MINAR1: variants seen among roughly 807,000 people sequenced by gnomAD.
MINAR1 encodes major intrinsically disordered Notch2-binding receptor 1.
Under a neutral mutation model 65.1 loss-of-function variants are expected in MINAR1, and 40 were observed. The observed-to-expected ratio is 0.61, with a 90% CI of 0.48 to 0.80. MINAR1 has a LOEUF of 0.80. Among genes scored for constraint, MINAR1 ranks in the 30% least tolerant of loss-of-function variants. The pLI is 0.00. For synonymous variants in MINAR1, 482 were observed against 449.1 expected (o/e 1.07, Z -0.93); for missense variants, 1,128 against 1,148.0 (o/e 0.98, Z 0.25).
At chr15:79,449,073 C>G (rs1313107968) in intron 1 of MINAR1, among the ~76,000 whole-genome samples, 1 of 152,188 alleles carries the variant, frequency 6.6e-6, no homozygotes, top group East Asian at 1.9e-4. Flanking sequence ...AATCAGGCAT[C>G]TGGTTCTGGC....
intron 2 of MINAR1, among the ~76,000 whole-genome samples, 185 bp from the exon 3 acceptor site, chr15:79,462,882 T>G (rs1895697842): frequency 6.6e-6 from 1 of 152,236 alleles, no homozygotes; most frequent in African/African-American, 2.4e-5. Context: ...AGTAACATTA[T>G]GATCATAAGC....
At chr15:79,430,754 G>A (rs1208525247), upstream of MINAR1, among the ~76,000 whole-genome samples, 1 of 152,114 alleles carries the variant, frequency 6.6e-6, no homozygotes, top group Non-Finnish European at 1.5e-5. Flanking sequence ...GGTAATAAAG[G>A]CAAATGGATT....
At position 79,463,205 on chromosome 15, in the gene MINAR1, A is replaced by C. The variant is rs757245960; in HGVS notation, c.2437A>C (p.Thr813Pro). Residue 813 changes from threonine to proline, a missense_variant, in exon 3 of 4, where the codon ACA becomes CCA. Coordinates refer to ENST00000305428, the MANE Select transcript of MINAR1 (RefSeq NM_015206.3). ...CCACATGAAGAGCAACCCCCTGTACACAGACATGCGGCTGACCGAGTTGGC... is the reference window on the plus strand; with the variant it reads ...CCACATGAAGAGCAACCCCCTGTACCCAGACATGCGGCTGACCGAGTTGGC... ...KAHMKSNPLYTDMRLTELAEV... is the reference protein window; with the variant it reads ...KAHMKSNPLYPDMRLTELAEV... 4.3e-6 allele frequency: 7 copies of C among 1,614,204 alleles called. No homozygotes were observed. The highest frequency in any genetic ancestry group is 5.9e-6 in the Non-Finnish European group (7 of 1,180,044).
At chr15:79,459,813 G>A (rs1895583088) in intron 2 of MINAR1, among the ~76,000 whole-genome samples, 1 of 152,172 alleles carries the variant, frequency 6.6e-6, no homozygotes, top group African/African-American at 2.4e-5. Flanking sequence ...ACTGCATGTG[G>A]TGTTGGAGAG....
rs1448446985 is a variant in MINAR1, at chr15:79,456,931, G to A, written c.784G>A (p.Glu262Lys). The A allele has an allele frequency of 1.2e-6, 2 of 1,614,040 alleles. No individual in the cohort carries two copies. Among genetic ancestry groups the A allele is most frequent in the Non-Finnish European group, 1.7e-6 (2 of 1,180,042 alleles). ...TGTCCAGAAAAGGAATATCTTCAAA[G>A]AGGATTTTCACAATTTGATGGCAGT... The part of the protein sequence containing the change: ...SCVQKRNIFK[E>K]DFHNLMAVSP... The change falls in exon 2 of 4, where the codon GAG becomes AAG. Residue 262 changes from glutamate (E) to lysine (K), a missense_variant. Glu to Lys is a moderately conservative substitution (Grantham distance 56). Coordinates refer to ENST00000305428, the MANE Select transcript of MINAR1 (RefSeq NM_015206.3).
chr15:79,418,581 A>G, the MINAR1 span: 3 of 152,354 alleles, frequency 2.0e-5, no homozygotes, highest in Non-Finnish European at 1.5e-5. Context: ...AAAGCCACCA[A>G]GGAAAGCCCT....
At chr15:79,460,129 G>C (rs557264603) in intron 2 of MINAR1, among the ~76,000 whole-genome samples, 2 of 152,312 alleles carry the variant, frequency 1.3e-5, no homozygotes, top group East Asian at 3.9e-4. Context: ...CTAACACAAA[G>C]TTGCTAACAC....
chr15:79,438,373 TGTGA>T (rs2141277314), intron 1 of MINAR1, among the ~76,000 whole-genome samples: 1 of 6,954 alleles, frequency 1.4e-4, no homozygotes, highest in East Asian at 4.5e-3. Flanking sequence ...GGGGTGTGGG[TGTGA>T]GTGGGTAGTG....
rs1487642399 is a variant in MINAR1 at position 79,457,809 on chromosome 15, A to G, written c.1662A>G (p.Ser554=). The change falls in exon 2 of 4, where the codon TCA becomes TCG. Residue 554 remains serine (S), a synonymous_variant. Coordinates refer to ENST00000305428, the MANE Select transcript of MINAR1 (RefSeq NM_015206.3). ...STGSLSQLHK[S]DCDSSPEHNL... ...GATCCTTGTCTCAGCTCCATAAGTCAGACTGCGACAGTTCCCCTGAGCACA... is the reference window on the plus strand; with the variant it reads ...GATCCTTGTCTCAGCTCCATAAGTCGGACTGCGACAGTTCCCCTGAGCACA... 2.5e-6 allele frequency: 4 copies of G among 1,614,152 alleles called. No homozygotes were observed. The highest frequency in any genetic ancestry group is 3.4e-6 in the Non-Finnish European group (4 of 1,180,022).
chr15:79,458,197 T>C lies in MINAR1; in HGVS notation c.2050T>C (p.Ser684Pro), dbSNP rs1318435063. The change falls in exon 2 of 4, where the codon TCT becomes CCT. Residue 684 changes from serine (S) to proline (P), a missense_variant. Physicochemically the swap from Ser to Pro is moderately conservative, Grantham distance 74. Transcript: ENST00000305428. Reference sequence around the variant, plus strand: ...AGAGAACAACCCTGACTGGTGCTGCTCTGATGCTAGCGGGAGCAACAGTGA... The same window carrying C: ...AGAGAACAACCCTGACTGGTGCTGCCCTGATGCTAGCGGGAGCAACAGTGA... ...KLENNPDWCC[S>P]DASGSNSESL... is the part of the protein sequence containing the mutation. 1.2e-6 allele frequency: 2 copies of C among 1,613,938 alleles called. No homozygotes were observed. Among genetic ancestry groups the C allele is most frequent in the Admixed American group, 1.7e-5 (1 of 60,002 alleles).
the MINAR1 span, chr15:79,421,116 G>A: frequency 1.3e-5 from 2 of 151,970 alleles, no homozygotes; most frequent in Non-Finnish European, 2.9e-5. Flanking sequence ...TAAAATATTG[G>A]AAAAAAGTAA....
chr15:79,467,164 C>T (rs1895894323), intron 3 of MINAR1, among the ~76,000 whole-genome samples: 1 of 152,296 alleles, frequency 6.6e-6, no homozygotes, highest in South Asian at 2.1e-4. Context: ...AATGGTACAA[C>T]TGAGTTTTTT....
intron 1 of MINAR1, among the ~76,000 whole-genome samples, chr15:79,440,840 A>G (rs533614299): frequency 6.6e-6 from 1 of 152,196 alleles, no homozygotes; most frequent in African/African-American, 2.4e-5. Context: ...TCTACCATCT[A>G]ATACACTCTA....
At chr15:79,465,759 G>A (rs1350684758) in intron 3 of MINAR1, among the ~76,000 whole-genome samples, 1 of 152,016 alleles carries the variant, frequency 6.6e-6, no homozygotes, top group Non-Finnish European at 1.5e-5. Context: ...TGCCAGGGTA[G>A]GGAGGGCTGC....
In MINAR1 at chr15:79,441,648, G is replaced by A. The variant is rs551407059; in HGVS notation, c.-51+9108G>A. Among the ~76,000 whole-genome samples the A allele has an allele frequency of 3.3e-5, 5 of 152,148 alleles. No individual in the cohort carries two copies. The South Asian group carries it at 8.3e-4, about 25-fold the overall frequency. The stretch of plus-strand genomic sequence containing the variant: ...CAAGTTTTATTGTTGATTACTTCCT[G>A]TAAGTCACATACTTCTCCAGGAATA... On this transcript the variant is annotated intron_variant, in intron 1 of 3. Coordinates refer to ENST00000305428, the MANE Select transcript of MINAR1 (RefSeq NM_015206.3).
chr15:79,436,944 A>G (rs947298345), intron 1 of MINAR1, among the ~76,000 whole-genome samples: 1 of 152,154 alleles, frequency 6.6e-6, no homozygotes, highest in Admixed American at 6.5e-5. Flanking sequence ...TCTTCCTGCC[A>G]TTTACTTTGT....
chr15:79,423,228 T>G, the MINAR1 span: 30 of 125,682 alleles, frequency 2.4e-4, no homozygotes, highest in African/African-American at 8.9e-4. Context: ...TTATAAATAC[T>G]GTTAGAGTAA....
upstream of MINAR1, among the ~76,000 whole-genome samples, chr15:79,432,325 CGT>C (rs1055387775): frequency 5.3e-5 from 8 of 152,140 alleles, no homozygotes; most frequent in Middle Eastern, 3.4e-3. Context: ...GAGCGCCGCG[CGT>C]GTGAGCGCAG....
chr15:79,451,159 C>G (rs1297204158), intron 1 of MINAR1, among the ~76,000 whole-genome samples: 2 of 152,152 alleles, frequency 1.3e-5, no homozygotes, highest in East Asian at 3.9e-4. Context: ...GTCCCAAAAT[C>G]TGGAGGCCCA....
Sources: gnomAD v4.1 joint callset for allele counts (sites outside exome capture counted in the v4.1 genomes callset) on GRCh38, gnomAD v4.1.1 for gene constraint, MANE v1.5 for transcripts, NCBI Gene and HGNC (gene_info 2026-07-23, HGNC 2026-07-21) for gene names.